Variants in TJP2 observed in about 807,000 individuals in gnomAD.
TJP2 encodes tight junction protein 2, also known as Friedreich ataxia region gene X104 (tight junction protein ZO-2).
A neutral mutation model predicts 133.1 loss-of-function variants in TJP2; 91 were observed. The observed-to-expected ratio is 0.68, with a 90% CI of 0.58 to 0.81. The LOEUF (loss-of-function observed/expected upper bound fraction) is 0.81, where lower values mean the gene tolerates loss of function less well. TJP2 is among the 40% of genes least tolerant of loss of function. The probability of loss-of-function intolerance (pLI) is 0.00; values close to 1 mark genes in which losing one functional copy is unlikely to be tolerated. For synonymous variants in TJP2, 592 were observed against 583.4 expected, an observed-to-expected ratio of 1.01 and a Z score of -0.21; for missense variants, 1,541 against 1,565.6, an observed-to-expected ratio of 0.98 and a Z score of 0.26.
chr9:69,131,041 C>G (rs991552509), intron 1 of TJP2, among the ~76,000 whole-genome samples: 1 of 152,134 alleles, frequency 6.6e-6, no homozygotes, highest in Non-Finnish European at 1.5e-5. Context: ...TGTGGACTTT[C>G]CTGTAAGAAA....
At chr9:69,121,301 T>A (rs1291927482), upstream of TJP2, 8 of 985,168 alleles carry the variant, frequency 8.1e-6, no homozygotes, top group Non-Finnish European at 9.6e-6. Flanking sequence ...AAAGTAGCGC[T>A]GCGAGCAGCT....
At chr9:69,155,620 G>T (rs977923820) in intron 2 of TJP2, among the ~76,000 whole-genome samples, 10 of 152,274 alleles carry the variant, frequency 6.6e-5, no homozygotes, top group Admixed American at 2.6e-4. Flanking sequence ...TTTACAGATG[G>T]TGTGTGTGGC....
intron 1 of TJP2, among the ~76,000 whole-genome samples, chr9:69,137,159 G>C (rs1822768295): frequency 6.6e-6 from 1 of 152,086 alleles, no homozygotes; most frequent in Admixed American, 6.6e-5. Context: ...CTCTCGTCAT[G>C]AGCTGAGGTT....
chr9:69,211,194 G>T (rs889690084), intron 1 of TJP2, among the ~76,000 whole-genome samples: 1 of 152,084 alleles, frequency 6.6e-6, no homozygotes, highest in Non-Finnish European at 1.5e-5. Context: ...AAAATTAGCC[G>T]GGCGTGGTAG....
intron 1 of TJP2, 38 bp downstream of exon 1, chr9:69,174,470 T>TCGTGAGCGTGAGCGTGAG: frequency 3.3e-6 from 5 of 1,515,562 alleles, no homozygotes; most frequent in East Asian, 2.5e-5. Flanking sequence ...GGGAGGAGGG[T>TCGTGAGCGTGAGCGTGAG]CGTGAGCGTG....
intron 5 of TJP2, among the ~76,000 whole-genome samples, chr9:69,224,183 G>C (rs1829139865): frequency 6.6e-6 from 1 of 152,190 alleles, no homozygotes; most frequent in Non-Finnish European, 1.5e-5. Context: ...GCTGGTTTTA[G>C]TTGAATGCTT....
At chr9:69,220,038 C>T (rs1333977948) in intron 4 of TJP2, among the ~76,000 whole-genome samples, 1 of 152,142 alleles carries the variant, frequency 6.6e-6, no homozygotes, top group Admixed American at 6.5e-5. Context: ...GTAATCCCAG[C>T]TATCGGGAGG....
In TJP2 at chr9:69,248,167, C is replaced by T. The variant is rs758461548; in HGVS notation, c.2823C>T (p.Ala941=). 18 of 1,612,832 alleles carry T rather than the reference C, an allele frequency of 1.1e-5. No individual in the cohort carries two copies. The highest frequency in any genetic ancestry group is 6.7e-5 in the Admixed American group (4 of 59,840). Residue 941 remains alanine, a synonymous_variant, in exon 19 of 23, where the codon GCC becomes GCT. Coordinates refer to ENST00000377245, the MANE Select transcript of TJP2 (RefSeq NM_004817.4). ...CTGACAATGAGCTGGATGAGCCAGCCGAGGAGCCGCTGGTGTCGTCCATCA... is the reference window on the plus strand; with the variant it reads ...CTGACAATGAGCTGGATGAGCCAGCTGAGGAGCCGCTGGTGTCGTCCATCA... ...AYTDNELDEP[A]EEPLVSSITR...
chr9:69,146,265 C>T (rs1823206247), intron 1 of TJP2, among the ~76,000 whole-genome samples: 1 of 152,188 alleles, frequency 6.6e-6, no homozygotes, highest in Non-Finnish European at 1.5e-5. Context: ...CCTTCCACAT[C>T]TCTTTCTGCA....
intron 9 of TJP2, 53 bp downstream of exon 9, chr9:69,228,167 C>A: frequency 6.4e-7 from 1 of 1,560,182 alleles, no homozygotes; most frequent in East Asian, 2.4e-5. Context: ...AGTGTGTGCT[C>A]ACACAGCCAT....
upstream of TJP2, among the ~76,000 whole-genome samples, chr9:69,169,307 C>T (rs1231140474): frequency 4.7e-5 from 7 of 150,378 alleles, no homozygotes. Flanking sequence ...GTCTACTTTA[C>T]AGTGTACACG....
Position 69,254,574 on chromosome 9 carries a change from A to G in TJP2, c.*200A>G. The G allele has an allele frequency of 3.0e-6, 2 of 671,526 alleles. No individual in the cohort carries two copies. The highest frequency in any genetic ancestry group is 5.2e-6 in the Non-Finnish European group (2 of 385,170). The allele number at this position is 671,526 out of a possible 1,614,324, so 41.6% of individuals were successfully genotyped here. Reference sequence around the variant, plus strand: ...AGGGCTCTGTTTGTGGGACTGGGTTAGAGGAGTCTGTGGCTTTTTGTTCAG... The same window carrying G: ...AGGGCTCTGTTTGTGGGACTGGGTTGGAGGAGTCTGTGGCTTTTTGTTCAG... On this transcript the variant is annotated 3_prime_UTR_variant, in exon 23 of 23. Transcript: ENST00000377245.
intron 9 of TJP2, among the ~76,000 whole-genome samples, chr9:69,228,632 G>C (rs1486931137): frequency 7.2e-5 from 11 of 152,158 alleles, no homozygotes; most frequent in Admixed American, 7.2e-4. Flanking sequence ...AGATAAGTGT[G>C]TACTTAATTC....
intron 1 of TJP2, among the ~76,000 whole-genome samples, chr9:69,139,994 G>T (rs1564375137): frequency 6.6e-6 from 1 of 152,132 alleles, no homozygotes; most frequent in African/African-American, 2.4e-5. Context: ...GTGAGCGTTG[G>T]GGGCAGGCTT....
chr9:69,220,983 G>A lies in TJP2; in HGVS notation c.439G>A (p.Asp147Asn). 1 of 1,612,900 alleles carries A rather than the reference G, an allele frequency of 6.2e-7. No individual in the cohort carries two copies. Among genetic ancestry groups the A allele is most frequent in the Non-Finnish European group, 8.5e-7 (1 of 1,179,860 alleles). Residue 147 changes from aspartate (D) to asparagine (N), a missense_variant, in exon 5 of 23, where the codon GAT becomes AAT. Asp to Asn is a conservative substitution (Grantham distance 23). Coordinates refer to ENST00000377245, the MANE Select transcript of TJP2 (RefSeq NM_004817.4). ...GGCTTTTGAGGTGATGGACGAGTTTGATGGCAGAAGTTTCCGGAGTGGCTA... is the reference window on the plus strand; with the variant it reads ...GGCTTTTGAGGTGATGGACGAGTTTAATGGCAGAAGTTTCCGGAGTGGCTA... The part of the protein sequence containing the change: ...DRAFEVMDEF[D>N]GRSFRSGYSE...
chr9:69,162,839 A>C (rs1824151072), intron 2 of TJP2, among the ~76,000 whole-genome samples: 1 of 152,186 alleles, frequency 6.6e-6, no homozygotes, highest in African/African-American at 2.4e-5. Flanking sequence ...CTTTTTGGTG[A>C]TCTACTTACT....
At chr9:69,245,790 G>A (rs1318020251) in intron 17 of TJP2, among the ~76,000 whole-genome samples, 1 of 152,238 alleles carries the variant, frequency 6.6e-6, no homozygotes, top group Non-Finnish European at 1.5e-5. Context: ...ACTGGTTGAT[G>A]CATAGTAAGT....
chr9:69,155,489 C>G (rs1257669123), intron 2 of TJP2, among the ~76,000 whole-genome samples: 1 of 152,380 alleles, frequency 6.6e-6, no homozygotes, highest in African/African-American at 2.4e-5. Context: ...GCCCCACCCC[C>G]AGGGTTTCTG....
rs758922783 is a variant in TJP2 at position 69,174,336 on chromosome 9, T to C, written c.-37T>C. 5.2e-6 allele frequency: 8 copies of C among 1,550,760 alleles called. No individual in the cohort carries two copies. The South Asian group carries it at 8.3e-5, about 16-fold the overall frequency. On this transcript the variant is annotated 5_prime_UTR_variant, in exon 1 of 23. Coordinates refer to ENST00000377245, the MANE Select transcript of TJP2 (RefSeq NM_004817.4). ...AGCAGGAGCAGAAGCAGAAGCGGGG[T>C]CCGGAGCTGCGCGCCTACGCGGGAC...
Sources: gnomAD v4.1 joint callset for allele counts (sites outside exome capture counted in the v4.1 genomes callset) on GRCh38, gnomAD v4.1.1 for gene constraint, MANE v1.5 for transcripts, NCBI Gene and HGNC (gene_info 2026-07-23, HGNC 2026-07-21) for gene names.